STAB1: variants seen among roughly 807,000 people sequenced by gnomAD.
STAB1 encodes the protein stabilin-1.
A neutral mutation model predicts 332.4 loss-of-function variants in STAB1; 250 were observed. The observed-to-expected ratio is 0.75, with a 90% CI of 0.68 to 0.84. STAB1 has a LOEUF of 0.84. STAB1 is among the 40% of genes least tolerant of loss of function. The probability of loss-of-function intolerance (pLI) is 0.00; values close to 1 mark genes in which losing one functional copy is unlikely to be tolerated. For synonymous variants in STAB1, 1,475 were observed against 1,390.4 expected (o/e 1.06, Z -1.35); for missense variants, 3,249 against 3,489.7 (o/e 0.93, Z 1.74).
At chr3:52,507,101 G>A (rs1317907082) in intron 18 of STAB1, among the ~76,000 whole-genome samples, 1 of 152,252 alleles carries the variant, frequency 6.6e-6, no homozygotes, top group Non-Finnish European at 1.5e-5. Context: ...CTGGAGTGCA[G>A]TGGCACAATC....
chr3:52,501,877 C>T, intron 3 of STAB1, 124 bp downstream of exon 3: 2 of 1,401,096 alleles, frequency 1.4e-6, no homozygotes, highest in South Asian at 2.5e-5. Context: ...CACCGAGCGC[C>T]TCCAAGGCTC....
chr3:52,513,591 C>T (rs1709450542), intron 30 of STAB1, 126 bp from the exon 31 acceptor site: 4 of 970,672 alleles, frequency 4.1e-6, no homozygotes, highest in Admixed American at 2.1e-5. Flanking sequence ...CAGAACCCAG[C>T]TTGTGGGCCA....
Position 52,502,528 on chromosome 3 carries a change from C to A in STAB1, c.488-104C>A. ...ACAGCTCTGTACTCTTAAGGTTGTA[C>A]CTGCCCGAGCTGAGTTCTAAAAATA... is the stretch of plus-strand genomic sequence containing the variant. On this transcript the variant is annotated intron_variant, in intron 5 of 68. Coordinates refer to ENST00000321725, the MANE Select transcript of STAB1 (RefSeq NM_015136.3). The A allele has an allele frequency of 2.8e-6, 3 of 1,055,286 alleles. No individual in the cohort carries two copies. In the South Asian group the frequency reaches 4.3e-5, roughly 15 times the overall value. The allele number at this position is 1,055,286 out of a possible 1,614,324, so 65.4% of individuals were successfully genotyped here.
chr3:52,519,894 C>T lies in STAB1; in HGVS notation c.5236-50C>T. ...TGGCACAGCCCCCTGCCTTTGCTAACTAGTCTCTGACTGGGCAGCGACTGC... is the reference window on the plus strand; with the variant it reads ...TGGCACAGCCCCCTGCCTTTGCTAATTAGTCTCTGACTGGGCAGCGACTGC... On this transcript the variant is annotated intron_variant, in intron 50 of 68. Transcript: ENST00000321725. 2.6e-6 allele frequency: 4 copies of T among 1,524,762 alleles called. No homozygotes were observed. In the South Asian group the frequency reaches 5.0e-5, roughly 19 times the overall value. 94.5% of individuals were successfully genotyped at this position (1,524,762 alleles called of 1,614,324 possible).
Position 52,520,634 on chromosome 3 carries a change from C to T in STAB1, c.5650-8C>T, listed in dbSNP as rs763515650. ...TGACTTTGCTGTATTGGCCTCCCTC[C>T]CTTCCAGAACACCTGCAGCATCTGT... On this transcript the variant is annotated splice_region_variant and splice_polypyrimidine_tract_variant and intron_variant, in intron 53 of 68. Transcript: ENST00000321725. 15 of 1,612,878 alleles carry T rather than the reference C, an allele frequency of 9.3e-6. No individual in the cohort carries two copies. The highest frequency in any genetic ancestry group is 1.3e-5 in the Non-Finnish European group (15 of 1,179,996).
In STAB1 at chr3:52,512,798, C is replaced by T. The variant is rs1241310291; in HGVS notation, c.3028-30C>T. The T allele has an allele frequency of 1.9e-6, 3 of 1,605,136 alleles. No individual in the cohort carries two copies. The South Asian group carries it at 3.3e-5, about 18-fold the overall frequency. ...AAGATGATGGCTGCCTTCCTCGCTC[C>T]TCCCGCCCCTGCTCCCTGTGTGCGT... On this transcript the variant is annotated intron_variant, in intron 28 of 68. Coordinates refer to ENST00000321725, the MANE Select transcript of STAB1 (RefSeq NM_015136.3).
chr3:52,523,371 G>A (rs775691164), intron 64 of STAB1, 30 bp downstream of exon 64: 39 of 1,609,054 alleles, frequency 2.4e-5, no homozygotes, highest in Non-Finnish European at 3.3e-5. Flanking sequence ...GCAGAGCAGA[G>A]CCTGCATTGG....
intron 42 of STAB1, 75 bp from the exon 43 acceptor site, chr3:52,517,245 C>A (rs1575350395): frequency 1.3e-6 from 2 of 1,493,988 alleles, no homozygotes; most frequent in Non-Finnish European, 8.9e-7. Context: ...GGGGGTGGGA[C>A]AGATGAAGGT....
rs770893389 is a variant in STAB1, at chr3:52,519,552, C to T, written c.5223C>T (p.Ser1741=). ...AAQGFGYKIF[S]GLLKVAGLLP... is the part of the protein sequence containing the mutation. Reference sequence around the variant, plus strand: ...AGGGCTTCGGTTACAAGATCTTCAGCGGCCTCCTGAAGGTACTGCTCCCGT... The same window carrying T: ...AGGGCTTCGGTTACAAGATCTTCAGTGGCCTCCTGAAGGTACTGCTCCCGT... The change falls in exon 50 of 69, where the codon AGC becomes AGT. Residue 1741 remains serine, a synonymous_variant. Transcript: ENST00000321725. 4.3e-6 allele frequency: 7 copies of T among 1,613,202 alleles called. No homozygotes were observed. Among genetic ancestry groups the T allele is most frequent in the Non-Finnish European group, 5.1e-6 (6 of 1,180,010 alleles).
At position 52,521,906 on chromosome 3, in the gene STAB1, T is replaced by C; in HGVS notation, c.6226T>C (p.Cys2076Arg). The change falls in exon 58 of 69, where the codon TGT (cysteine) becomes CGT (arginine). Residue 2076 changes from cysteine (C) to arginine (R), a missense_variant. Physicochemically the swap from Cys to Arg is radical, Grantham distance 180 (BLOSUM62 -3). Coordinates refer to ENST00000321725, the MANE Select transcript of STAB1 (RefSeq NM_015136.3). ...GGCTGTGTGCCGTGCAGGCAACAGC[T>C]GTGAGTGCAGCCTGGGCTATGAAGG... ...PEAVCRAGNS[C>R]ECSLGYEGDG... 6.2e-7 allele frequency: 1 copy of C among 1,609,318 alleles called. No individual in the cohort carries two copies. Among genetic ancestry groups the C allele is most frequent in the Non-Finnish European group, 8.5e-7 (1 of 1,177,062 alleles).
intron 1 of STAB1, among the ~76,000 whole-genome samples, chr3:52,498,352 G>A (rs1199524650): frequency 2.6e-5 from 4 of 152,234 alleles, no homozygotes; most frequent in African/African-American, 4.8e-5. Flanking sequence ...CACTCAGGCC[G>A]TGATCCAGCC....
Position 52,514,811 on chromosome 3 carries a change from C to A in STAB1, c.3789C>A (p.Ser1263Arg). Reference sequence around the variant, plus strand: ...TGGGCTCAAGTCGCTGCCTGCATAGCCACGCTGAGGCCCTGCGGGTGAGAG... The same window carrying A: ...TGGGCTCAAGTCGCTGCCTGCATAGACACGCTGAGGCCCTGCGGGTGAGAG... ...LTVGSSRCLH[S>R]HAEALREKCV... Residue 1263 changes from serine (S) to arginine (R), a missense_variant, in exon 35 of 69, where the codon AGC becomes AGA. Physicochemically the swap from Ser to Arg is moderately radical, Grantham distance 110. Transcript: ENST00000321725. 6.2e-7 allele frequency: 1 copy of A among 1,612,922 alleles called. No homozygotes were observed.
Position 52,517,060 on chromosome 3 carries a change from G to T in STAB1, c.4440G>T (p.Arg1480=). ...GTACCAAGGTGGCACCTGGGCAGCGGACATGCACCTGCCAGGATGGCTACA... is the reference window on the plus strand; with the variant it reads ...GTACCAAGGTGGCACCTGGGCAGCGTACATGCACCTGCCAGGATGGCTACA... ...ANCTKVAPGQ[R]TCTCQDGYMG... Residue 1480 remains arginine, a synonymous_variant, in exon 42 of 69, where the codon CGG becomes CGT. Coordinates refer to ENST00000321725, the MANE Select transcript of STAB1 (RefSeq NM_015136.3). The T allele has an allele frequency of 6.3e-7, 1 of 1,599,348 alleles. No individual in the cohort carries two copies. The highest frequency in any genetic ancestry group is 1.3e-5 in the African/African-American group (1 of 74,632).
rs771048356 is a variant in STAB1, at chr3:52,514,504, G to T, written c.3678+8G>T. On this transcript the variant is annotated splice_region_variant and intron_variant, in intron 34 of 68. Transcript: ENST00000321725. ...TACAACCACAGTGGCCAGGTTTGGGGGTCAGGGAGCAAGGAGACCCTAGCC... is the reference window on the plus strand; with the variant it reads ...TACAACCACAGTGGCCAGGTTTGGGTGTCAGGGAGCAAGGAGACCCTAGCC... 1 of 1,524,088 alleles carries T rather than the reference G, an allele frequency of 6.6e-7. No homozygotes were observed. 94.4% of individuals were successfully genotyped at this position (1,524,088 alleles called of 1,614,324 possible).
At position 52,520,414 on chromosome 3, in the gene STAB1, G is replaced by A. The variant is rs1437108791; in HGVS notation, c.5514G>A (p.Val1838=). The A allele has an allele frequency of 1.2e-6, 2 of 1,612,018 alleles. No individual in the cohort carries two copies. The highest frequency in any genetic ancestry group is 1.3e-5 in the African/African-American group (1 of 75,048). Residue 1838 remains valine, a synonymous_variant, in exon 53 of 69, where the codon GTG becomes GTA. Transcript: ENST00000321725. Reference sequence around the variant, plus strand: ...TCTCCTTGCAGGGTGAGCTCATGGTGGGTGAGGATGATGCTCGCATTGTGC... The same window carrying A: ...TCTCCTTGCAGGGTGAGCTCATGGTAGGTGAGGATGATGCTCGCATTGTGC... ...CSRTRAGELM[V]GEDDARIVQR... is the part of the protein sequence containing the mutation.
chr3:52,513,233 A>G lies in STAB1; in HGVS notation c.3262A>G (p.Ile1088Val), dbSNP rs1310952305. The change falls in exon 30 of 69, where the codon ATT becomes GTT. Residue 1088 changes from isoleucine to valine, a missense_variant. Physicochemically the swap from Ile to Val is conservative, Grantham distance 29 (BLOSUM62 3). Coordinates refer to ENST00000321725, the MANE Select transcript of STAB1 (RefSeq NM_015136.3). ...CACCACACGCTGGGAGATTCGCAACATTAGTGGGGTATGTGGTGAACTCTG... is the reference window on the plus strand; with the variant it reads ...CACCACACGCTGGGAGATTCGCAACGTTAGTGGGGTATGTGGTGAACTCTG... Reference protein sequence around the residue: ...NPTTRWEIRNISGRVWVQNAS... With the variant: ...NPTTRWEIRNVSGRVWVQNAS... 6.3e-7 allele frequency: 1 copy of G among 1,577,528 alleles called. No homozygotes were observed. The highest frequency in any genetic ancestry group is 8.6e-7 in the Non-Finnish European group (1 of 1,162,568).
Position 52,504,726 on chromosome 3 carries a change from C to T in STAB1, c.1240-13C>T. 7 of 1,613,640 alleles carry T rather than the reference C, an allele frequency of 4.3e-6. No individual in the cohort carries two copies. Among genetic ancestry groups the T allele is most frequent in the Non-Finnish European group, 5.1e-6 (6 of 1,180,012 alleles). On this transcript the variant is annotated splice_polypyrimidine_tract_variant and intron_variant, in intron 11 of 68. Transcript: ENST00000321725. The stretch of plus-strand genomic sequence containing the variant: ...CCCCCCGGCTCACTTTGCTCCCCGC[C>T]TTGCGTCTGCAGGCATCCCTTGCCC...
In STAB1 at chr3:52,520,451, C is replaced by T. The variant is rs140883736; in HGVS notation, c.5551C>T (p.Pro1851Ser). ...TGCTCGCATTGTGCAGCGGCACTTG[C>T]CCTTTGAGGGTGGCCTGGCCTATGG... is the stretch of plus-strand genomic sequence containing the variant. ...DDARIVQRHL[P>S]FEGGLAYGID... The change falls in exon 53 of 69, where the codon CCC becomes TCC. Residue 1851 changes from proline (P) to serine (S), a missense_variant. Pro to Ser is a moderately conservative substitution (Grantham distance 74, BLOSUM62 -1). Coordinates refer to ENST00000321725, the MANE Select transcript of STAB1 (RefSeq NM_015136.3). 593 of 1,612,794 alleles carry T rather than the reference C, an allele frequency of 3.7e-4. 3 individuals carry two copies. In the African/African-American group the frequency reaches 7.2e-3, roughly 20 times the overall value.
At chr3:52,503,999 G>A (rs779887306) in intron 9 of STAB1, 29 bp from the exon 10 acceptor site, 12 of 1,608,866 alleles carry the variant, frequency 7.5e-6, no homozygotes, top group Admixed American at 6.7e-5. Flanking sequence ...CTCAGCCTCC[G>A]CCCTGACTGG....
Sources: allele counts gnomAD v4.1 joint callset (sites outside exome capture counted in the v4.1 genomes callset), GRCh38; gene constraint gnomAD v4.1.1; transcripts MANE v1.5; gene names NCBI Gene and HGNC (gene_info 2026-07-23, HGNC 2026-07-21).